The following MID2 variants were observed in gnomAD, a reference collection of about 807,000 sequenced individuals.
MID2 encodes midline 2.
Under a neutral mutation model 46.1 loss-of-function variants are expected in MID2, and 13 were observed. That is an observed-to-expected ratio of 0.28 (90% CI 0.18 to 0.45). MID2 has a LOEUF of 0.45. Among genes scored for constraint, MID2 ranks in the 20% least tolerant of loss-of-function variants. MID2 has a pLI of 1.00. For missense variants in MID2, 431 were observed against 575.4 expected, an observed-to-expected ratio of 0.75 and a Z score of 2.57; for synonymous variants, 199 against 212.3, an observed-to-expected ratio of 0.94 and a Z score of 0.55.
At chrX:107,915,946 T>C (rs1358876769) in intron 5 of MID2, 56 bp from the exon 6 acceptor site, 2 of 1,115,724 alleles carry the variant, frequency 1.8e-6, no homozygotes, top group Non-Finnish European at 2.4e-6. Context: ...AATCAAACAC[T>C]GGGTGAAAGT....
intron 3 of MID2, among the ~76,000 whole-genome samples, chrX:107,889,316 G>C (rs2147854138): frequency 9.0e-6 from 1 of 111,652 alleles, no homozygotes; most frequent in Admixed American, 9.5e-5. Flanking sequence ...GGCAGGCCTG[G>C]TGGTGACACA....
At chrX:107,884,824 T>G (rs1054238179) in intron 3 of MID2, among the ~76,000 whole-genome samples, 2 of 111,536 alleles carry the variant, frequency 1.8e-5, no homozygotes, top group African/African-American at 6.5e-5. Flanking sequence ...TTACTTTACC[T>G]CTCTAGATCT....
chrX:107,926,407 G>A lies in MID2; in HGVS notation c.1805+106G>A, dbSNP rs972760949. On this transcript the variant is annotated intron_variant, in intron 9 of 9. Transcript: ENST00000262843. ...AATACCAATAAGTCAAGGTTAAAAG[G>A]TATGTGATGAAAACCACTCCTAGAA... 5.2e-6 allele frequency: 4 copies of A among 770,227 alleles called. No individual in the cohort carries two copies. In the African/African-American group the frequency reaches 6.4e-5, roughly 12 times the overall value. 63.5% of individuals were successfully genotyped at this position (770,227 alleles called of 1,213,427 possible).
chrX:107,926,496 C>A, intron 9 of MID2, 175 bp from the exon 10 acceptor site: 1 of 595,014 alleles, frequency 1.7e-6, no homozygotes, highest in Non-Finnish European at 2.6e-6. Context: ...GAAACTGCCA[C>A]ATTGCTCTAA....
intron 1 of MID2, among the ~76,000 whole-genome samples, chrX:107,839,558 G>C (rs1931287103): frequency 9.0e-6 from 1 of 110,714 alleles, no homozygotes; most frequent in African/African-American, 3.3e-5. Context: ...TTTTAGTAGA[G>C]ACAGGGTTTC....
intron 3 of MID2, among the ~76,000 whole-genome samples, chrX:107,901,635 G>A (rs188330227): frequency 2.7e-4 from 30 of 111,651 alleles, no homozygotes; most frequent in Admixed American, 2.7e-3. Context: ...AACTCATGAT[G>A]GAGTGAGGAA....
intron 3 of MID2, 81 bp from the exon 4 acceptor site, chrX:107,903,877 T>G (rs1169661837): frequency 6.2e-6 from 4 of 647,272 alleles, no homozygotes; most frequent in Non-Finnish European, 1.0e-5. Context: ...TGTGCATGCT[T>G]AGCTGTCAGT....
chrX:107,871,339 G>C lies in MID2; in HGVS notation c.816+16635G>C, dbSNP rs775242003. ...CACCGTGTTCCACGCCTTGCAGGAG[G>C]GGGAGCGCAGGTGAGCAGGTGAAGG... On this transcript the variant is annotated intron_variant, in intron 3 of 9. Transcript: ENST00000262843. 1.9e-4 allele frequency among the ~76,000 whole-genome samples: 21 copies of C among 111,513 alleles called. 1 individual carries two copies. Among genetic ancestry groups the C allele is most frequent in the Admixed American group, 2.9e-4 (3 of 10,513 alleles).
chrX:107,854,119 A>G (rs1223631786), intron 2 of MID2, among the ~76,000 whole-genome samples: 3 of 111,979 alleles, frequency 2.7e-5, no homozygotes, highest in Non-Finnish European at 3.8e-5. Context: ...GACTTATGTT[A>G]GGGTTACATC....
intron 3 of MID2, among the ~76,000 whole-genome samples, chrX:107,885,278 C>G (rs1250899974): frequency 2.5e-5 from 2 of 80,384 alleles, no homozygotes; most frequent in South Asian, 1.1e-3. Flanking sequence ...CCCCTCCCCC[C>G]ACCCCACAAC....
At chrX:107,872,001 T>C (rs1932079117) in intron 3 of MID2, among the ~76,000 whole-genome samples, 1 of 112,095 alleles carries the variant, frequency 8.9e-6, no homozygotes, top group African/African-American at 3.3e-5. Flanking sequence ...AGACCTATCC[T>C]CTTCTGCCCA....
At chrX:107,845,250 C>G (rs1174246820) in intron 2 of MID2, among the ~76,000 whole-genome samples, 1 of 111,264 alleles carries the variant, frequency 9.0e-6, no homozygotes, top group Non-Finnish European at 1.9e-5. Context: ...TATTATAATT[C>G]TCTTTGAGAG....
intron 2 of MID2, among the ~76,000 whole-genome samples, chrX:107,843,453 G>A (rs896993698): frequency 1.8e-5 from 2 of 112,210 alleles, no homozygotes; most frequent in Non-Finnish European, 3.8e-5. Context: ...GTGACTAATC[G>A]GTAATTTTTG....
intron 3 of MID2, among the ~76,000 whole-genome samples, chrX:107,859,147 T>G (rs1220675203): frequency 8.9e-6 from 1 of 111,921 alleles, no homozygotes; most frequent in East Asian, 2.8e-4. Flanking sequence ...AGGGCAAGAA[T>G]CTTGGAGTCT....
chrX:107,927,834 C>G lies in MID2; in HGVS notation c.*761C>G, dbSNP rs935105284. On this transcript the variant is annotated 3_prime_UTR_variant, in exon 10 of 10. Coordinates refer to ENST00000262843, the MANE Select transcript of MID2 (RefSeq NM_012216.4). ...AAATCAATCAACATTTATTTCCTCCCTCTATCCATCATTGCCTTCCTCCCT... is the reference window on the plus strand; with the variant it reads ...AAATCAATCAACATTTATTTCCTCCGTCTATCCATCATTGCCTTCCTCCCT... Among the ~76,000 whole-genome samples, 6 of 111,659 alleles carry G rather than the reference C, an allele frequency of 5.4e-5. No homozygotes were observed. In the East Asian group the frequency reaches 1.7e-3, roughly 31 times the overall value.
chrX:107,863,044 G>A (rs1322312497), intron 3 of MID2, among the ~76,000 whole-genome samples: 1 of 111,783 alleles, frequency 8.9e-6, no homozygotes, highest in Admixed American at 9.5e-5. Context: ...AGAATATAAC[G>A]ATTGACATTT....
intron 1 of MID2, among the ~76,000 whole-genome samples, chrX:107,837,047 A>G (rs934146045): frequency 4.5e-5 from 5 of 111,618 alleles, no homozygotes; most frequent in Non-Finnish European, 7.5e-5. Flanking sequence ...CATTCTGCAA[A>G]CAGTTCTAGG....
intron 3 of MID2, among the ~76,000 whole-genome samples, chrX:107,871,317 C>T (rs6652967): frequency 0.3 from 33,255 of 110,800 alleles, 6,908 homozygotes; most frequent in African/African-American, 0.75. Context: ...TTGGCCCCAC[C>T]GTGTTCCACG....
chrX:107,900,417 G>C (rs1439247676), intron 3 of MID2, among the ~76,000 whole-genome samples: 2 of 111,223 alleles, frequency 1.8e-5, no homozygotes, highest in Non-Finnish European at 3.8e-5. Context: ...GTAAGCAAAA[G>C]AGTGCTTCTT....
Sources: gnomAD v4.1 joint callset for allele counts (sites outside exome capture counted in the v4.1 genomes callset) on GRCh38, gnomAD v4.1.1 for gene constraint, MANE v1.5 for transcripts, NCBI Gene and HGNC (gene_info 2026-07-23, HGNC 2026-07-21) for gene names.